Variants in ATP8B1 observed in about 807,000 individuals in gnomAD.
ATP8B1 encodes the protein phospholipid-transporting ATPase IC.
ATP8B1 carries 80 observed loss-of-function variants against 149.9 expected under a neutral mutation model. The observed-to-expected ratio is 0.53, with a 90% CI of 0.45 to 0.64. The LOEUF (loss-of-function observed/expected upper bound fraction) is 0.64. ATP8B1 is among the 30% of genes least tolerant of loss of function. The pLI, the probability that ATP8B1 is intolerant of heterozygous loss-of-function variation, is 0.00. For synonymous variants in ATP8B1, 536 were observed against 562.8 expected (o/e 0.95, Z 0.67); for missense variants, 1,247 against 1,552.6 (o/e 0.80, Z 3.31).
intron 3 of ATP8B1, 136 bp downstream of exon 3, chr18:57,706,354 A>G (rs1033308230): frequency 2.8e-6 from 2 of 719,024 alleles, no homozygotes; most frequent in South Asian, 1.6e-5. Flanking sequence ...GACATTCTAT[A>G]GAAACAATGA....
intron 2 of ATP8B1, among the ~76,000 whole-genome samples, chr18:57,717,139 T>C (rs762404124): frequency 6.6e-6 from 1 of 152,056 alleles, no homozygotes; most frequent in Non-Finnish European, 1.5e-5. Flanking sequence ...AATGGAAACA[T>C]GATAAACCAA....
intron 1 of ATP8B1, among the ~76,000 whole-genome samples, chr18:57,758,096 C>T (rs28370478): frequency 0.079 from 11,961 of 152,098 alleles, 521 homozygotes; most frequent in Middle Eastern, 0.14. Flanking sequence ...TCAGCTCAAA[C>T]GATCCTCCCA....
rs2080601386 is a variant in ATP8B1 at position 57,803,197 on chromosome 18, C to G, written c.-225G>C. 1 of 152,680 alleles carries G rather than the reference C, an allele frequency of 6.5e-6. No individual in the cohort carries two copies. Among genetic ancestry groups the G allele is most frequent in the African/African-American group, 2.4e-5 (1 of 41,470 alleles). The allele number at this position is 152,680 out of a possible 1,614,324, so 9.5% of individuals were successfully genotyped here. On this transcript the variant is annotated 5_prime_UTR_variant, in exon 1 of 28. Coordinates refer to ENST00000648908, the MANE Select transcript of ATP8B1 (RefSeq NM_001374385.1). ...CGGCACCTCCGGCTCTCGCGGCTCG[C>G]TAGTGGCTCCCCCGCCTTTCCCCGC...
At position 57,695,673 on chromosome 18, in the gene ATP8B1, T is replaced by C. The variant is rs915381961; in HGVS notation, c.699-141A>G. The C allele has an allele frequency of 3.9e-5, 29 of 737,288 alleles. No homozygotes were observed. In the Admixed American group the frequency reaches 4.3e-4, roughly 11 times the overall value. The allele number at this position is 737,288 out of a possible 1,614,324, so 45.7% of individuals were successfully genotyped here. On this transcript the variant is annotated intron_variant, in intron 8 of 27. Transcript: ENST00000648908. ...TTTCTATTTTCAAACTCTGTTCACC[T>C]TGGAACTTCAGGTTTGGAAAAGGTT...
chr18:57,799,145 A>G lies in ATP8B1; in HGVS notation c.-26+3853T>C, dbSNP rs1304612721. 2.0e-5 allele frequency among the ~76,000 whole-genome samples: 3 copies of G among 152,236 alleles called. No individual in the cohort carries two copies. In the East Asian group the frequency reaches 5.8e-4, roughly 29 times the overall value. On this transcript the variant is annotated intron_variant, in intron 1 of 27. Coordinates refer to ENST00000648908, the MANE Select transcript of ATP8B1 (RefSeq NM_001374385.1). Reference sequence around the variant, plus strand: ...TATTATCCCATTTACAGATGAGGAAACTGAAGCCTAGAGAGGCAAGGTAAC... The same window carrying G: ...TATTATCCCATTTACAGATGAGGAAGCTGAAGCCTAGAGAGGCAAGGTAAC...
In ATP8B1 at chr18:57,784,628, A is replaced by G. The variant is rs993534736; in HGVS notation, c.-26+18370T>C. Among the ~76,000 whole-genome samples, 4 of 152,156 alleles carry G rather than the reference A, an allele frequency of 2.6e-5. No individual in the cohort carries two copies. The highest frequency in any genetic ancestry group is 4.8e-5 in the African/African-American group (2 of 41,428). On this transcript the variant is annotated intron_variant, in intron 1 of 27. Coordinates refer to ENST00000648908, the MANE Select transcript of ATP8B1 (RefSeq NM_001374385.1). This position sits in a 1 kb window ranked among gnomAD's most constrained non-coding sequence, Gnocchi z 4.4. The stretch of plus-strand genomic sequence containing the variant: ...TCTTCTCAACTGATGTCAGAGTTCA[A>G]TGCTCGAGGTGCTGTGTTTAGGGGC...
At chr18:57,711,821 C>T (rs1179886445) in intron 2 of ATP8B1, among the ~76,000 whole-genome samples, 1 of 152,058 alleles carries the variant, frequency 6.6e-6, no homozygotes, top group Non-Finnish European at 1.5e-5. Context: ...AACTGCTGCC[C>T]ACAAGCTATC....
chr18:57,727,818 A>C (rs2079724151), intron 2 of ATP8B1, among the ~76,000 whole-genome samples: 1 of 152,008 alleles, frequency 6.6e-6, no homozygotes, highest in South Asian at 2.1e-4. Flanking sequence ...ACAACAAGAA[A>C]ACTCCAAAAA....
intron 1 of ATP8B1, among the ~76,000 whole-genome samples, chr18:57,757,227 A>G (rs182448364): frequency 2.0e-5 from 3 of 152,296 alleles, no homozygotes; most frequent in East Asian, 1.9e-4. Flanking sequence ...GGTTTGGCCA[A>G]TCAAAGCACT....
At chr18:57,750,236 C>G (rs775032220) in intron 1 of ATP8B1, among the ~76,000 whole-genome samples, 1 of 151,890 alleles carries the variant, frequency 6.6e-6, no homozygotes, top group Non-Finnish European at 1.5e-5. Flanking sequence ...GAGTGAGATT[C>G]CATCTCAAAA....
At position 57,700,940 on chromosome 18, in the gene ATP8B1, C is replaced by T; in HGVS notation, c.554+99G>A. 3 of 1,261,128 alleles carry T rather than the reference C, an allele frequency of 2.4e-6. No homozygotes were observed. In the South Asian group the frequency reaches 3.6e-5, roughly 15 times the overall value. The allele number at this position is 1,261,128 out of a possible 1,614,324, so 78.1% of individuals were successfully genotyped here. Reference sequence around the variant, plus strand: ...TCGAAAAAAATAAACAGTTAATGTACTAATAGCCTTCTACATTGTAATAAT... The same window carrying T: ...TCGAAAAAAATAAACAGTTAATGTATTAATAGCCTTCTACATTGTAATAAT... On this transcript the variant is annotated intron_variant, in intron 6 of 27. Transcript: ENST00000648908.
chr18:57,648,737 G>A (rs1317341303), intron 27 of ATP8B1, 25 bp from the exon 28 acceptor site: 2 of 1,548,020 alleles, frequency 1.3e-6, no homozygotes, highest in Admixed American at 2.0e-5. Context: ...GATGGGGAGG[G>A]ATGAAAATAA....
At chr18:57,779,107 G>A (rs2080335936) in intron 1 of ATP8B1, among the ~76,000 whole-genome samples, 1 of 152,122 alleles carries the variant, frequency 6.6e-6, no homozygotes, top group South Asian at 2.1e-4. Flanking sequence ...CAGATTGTTT[G>A]AGCCCAGGAG....
At chr18:57,674,798 T>C (rs769836017) in intron 16 of ATP8B1, 36 bp downstream of exon 16, 1 of 1,607,770 alleles carries the variant, frequency 6.2e-7, no homozygotes, top group African/African-American at 1.3e-5. Flanking sequence ...AACATCTAAA[T>C]GAGCGATTCA....
Position 57,652,156 on chromosome 18 carries a change from G to A in ATP8B1, c.3278C>T (p.Ser1093Phe), listed in dbSNP as rs1232432620. The A allele has an allele frequency of 1.2e-6, 2 of 1,613,992 alleles. No individual in the cohort carries two copies. Among genetic ancestry groups the A allele is most frequent in the African/African-American group, 2.7e-5 (2 of 74,912 alleles). ...AAAAGCATTCACAAAAGTCCAATAA[G>A]AAGTATCCAAGCCAATCTGTTGGGA... ...TVNFQIGLDT[S>F]YWTFVNAFSI... is the part of the protein sequence containing the mutation. Residue 1093 changes from serine to phenylalanine, a missense_variant, in exon 26 of 28, where the codon TCT becomes TTT. This residue lies in a region of ATP8B1 where 230 missense variants were observed against 356.6 expected (regional missense o/e 0.65). Transcript: ENST00000648908.
At chr18:57,796,706 G>A (rs2080518990) in intron 1 of ATP8B1, among the ~76,000 whole-genome samples, 1 of 151,526 alleles carries the variant, frequency 6.6e-6, no homozygotes. Context: ...GTTTGTTTTT[G>A]AGACAGAGTC....
rs1487017696 is a variant in ATP8B1, at chr18:57,672,905, T to TC, written c.1820-1326_1820-1325insG. On this transcript the variant is annotated intron_variant, in intron 16 of 27. Transcript: ENST00000648908. Reference sequence around the variant, plus strand: ...AAAAAAGTATATATATATATATATATATATATATATATATATATATATATA... The same window carrying TC: ...AAAAAAGTATATATATATATATATATCATATATATATATATATATATATATA... Among the ~76,000 whole-genome samples the TC allele has an allele frequency of 1.1e-3, 75 of 65,684 alleles. 1 individual carries two copies. The highest frequency in any genetic ancestry group is 1.7e-3 in the Non-Finnish European group (60 of 34,962). 43.1% of individuals were successfully genotyped at this position (65,684 alleles called of 152,430 possible). A position where few individuals can be genotyped will look rare whatever the true frequency, so the allele number is the denominator to read the frequency against.
chr18:57,803,070 C>T lies in ATP8B1; in HGVS notation c.-98G>A. ...CTCGGAGCGCTCGCTGCGCACCTGG[C>T]CGCTGCCGCCGCCCGCCCGGCCCCA... On this transcript the variant is annotated 5_prime_UTR_variant, in exon 1 of 28. Coordinates refer to ENST00000648908, the MANE Select transcript of ATP8B1 (RefSeq NM_001374385.1). The T allele has an allele frequency of 6.6e-6, 1 of 151,758 alleles. No homozygotes were observed. The highest frequency in any genetic ancestry group is 2.1e-4 in the South Asian group (1 of 4,838). The allele number at this position is 151,758 out of a possible 1,614,324, so 9.4% of individuals were successfully genotyped here. A position where few individuals can be genotyped will look rare whatever the true frequency, so the allele number is the denominator to read the frequency against.
chr18:57,801,198 A>G (rs1362996607), intron 1 of ATP8B1, among the ~76,000 whole-genome samples: 9 of 152,202 alleles, frequency 5.9e-5, no homozygotes. Flanking sequence ...TTGGACAGTA[A>G]TAACCAAAAG....
Sources: allele counts gnomAD v4.1 joint callset (sites outside exome capture counted in the v4.1 genomes callset), GRCh38; gene constraint gnomAD v4.1.1; regional missense constraint gnomAD v4.1.1; non-coding constraint Gnocchi (gnomAD v3.1); transcripts MANE v1.5; gene names NCBI Gene and HGNC (gene_info 2026-07-23, HGNC 2026-07-21).